The following DNAH7 variants were observed in gnomAD, a reference collection of about 807,000 sequenced individuals.
The protein encoded by DNAH7 is axonemal beta dynein heavy chain 7.
DNAH7 carries 397 observed loss-of-function variants against 444.6 expected under a neutral mutation model. That is an observed-to-expected ratio of 0.89 (90% CI 0.82 to 0.97). DNAH7 has a LOEUF of 0.97. Among genes scored for constraint, DNAH7 ranks in the 50% least tolerant of loss-of-function variants. The pLI, the probability that DNAH7 is intolerant of heterozygous loss-of-function variation, is 0.00. For missense variants in DNAH7, 4,902 were observed against 4,800.8 expected, an observed-to-expected ratio of 1.02 and a Z score of -0.62; for synonymous variants, 1,636 against 1,624.4, an observed-to-expected ratio of 1.01 and a Z score of -0.17.
chr2:195,799,190 G>T, intron 55 of DNAH7, 106 bp downstream of exon 55: 1 of 1,019,862 alleles, frequency 9.8e-7, no homozygotes, highest in South Asian at 3.4e-5. Flanking sequence ...AACTTTCAAA[G>T]GTTGAATGAC....
intron 22 of DNAH7, among the ~76,000 whole-genome samples, chr2:195,925,781 A>G (rs1688291921): frequency 6.6e-6 from 1 of 152,188 alleles, no homozygotes; most frequent in African/African-American, 2.4e-5. Context: ...TATATTTGCT[A>G]GTTTCCAGTT....
intron 49 of DNAH7, among the ~76,000 whole-genome samples, chr2:195,822,475 A>C (rs1322474604): frequency 6.6e-6 from 1 of 152,228 alleles, no homozygotes; most frequent in Non-Finnish European, 1.5e-5. Flanking sequence ...GCACGACACC[A>C]TCCCTTGGGT....
Position 195,858,634 on chromosome 2 carries a change from T to TTG in DNAH7, c.7906_7907insCA (p.Glu2636AlafsTer9). On this transcript the variant is annotated frameshift_variant, in exon 43 of 65. Transcript: ENST00000312428. LOFTEE classifies it high-confidence loss of function. ...CACTATTTTTTCAGTTTTGGCAACT[T>TTG]CTACAGACTCTTTCTCAATCATTAT... 6.2e-7 allele frequency: 1 copy of TTG among 1,614,076 alleles called. No individual in the cohort carries two copies. The highest frequency in any genetic ancestry group is 8.5e-7 in the Non-Finnish European group (1 of 1,179,952).
In DNAH7 at chr2:196,029,557, C is replaced by T. The variant is rs552196241; in HGVS notation, c.399-1510G>A. Among the ~76,000 whole-genome samples the T allele has an allele frequency of 3.3e-5, 5 of 152,092 alleles. No individual in the cohort carries two copies. In the East Asian group the frequency reaches 9.7e-4, roughly 29 times the overall value. ...ATGGCAGCTTTTTATTGATTACCTA[C>T]TCAGGCCCTCAATAGTTTCACATAT... On this transcript the variant is annotated intron_variant, in intron 5 of 64. Transcript: ENST00000312428.
intron 8 of DNAH7, among the ~76,000 whole-genome samples, chr2:196,019,585 T>C (rs1377542027): frequency 6.6e-6 from 1 of 152,178 alleles, no homozygotes; most frequent in East Asian, 1.9e-4. Flanking sequence ...TAATTTACAA[T>C]GAACAAATGA....
intron 19 of DNAH7, among the ~76,000 whole-genome samples, chr2:195,939,522 A>G (rs956377767): frequency 6.6e-6 from 1 of 152,132 alleles, no homozygotes; most frequent in Non-Finnish European, 1.5e-5. Flanking sequence ...TGTCCTCAGA[A>G]CATAGCAATA....
chr2:195,838,548 A>G (rs1384645464), intron 47 of DNAH7, among the ~76,000 whole-genome samples: 4 of 152,002 alleles, frequency 2.6e-5, no homozygotes, highest in Non-Finnish European at 5.9e-5. Context: ...GTCCCATAGT[A>G]TGGACTCAGT....
intron 17 of DNAH7, among the ~76,000 whole-genome samples, chr2:195,968,322 G>A (rs974304546): frequency 6.6e-6 from 1 of 152,092 alleles, no homozygotes; most frequent in Non-Finnish European, 1.5e-5. Context: ...TTAGTCAGCA[G>A]GTGATGAATC....
At chr2:195,945,652 T>C (rs1689749337) in intron 19 of DNAH7, among the ~76,000 whole-genome samples, 1 of 152,168 alleles carries the variant, frequency 6.6e-6, no homozygotes, top group Middle Eastern at 3.4e-3. Flanking sequence ...GGTGAAATGC[T>C]TGTTGCCAAA....
chr2:196,061,746 A>G (rs1322697728), intron 1 of DNAH7, among the ~76,000 whole-genome samples: 1 of 152,200 alleles, frequency 6.6e-6, no homozygotes, highest in African/African-American at 2.4e-5. Context: ...GGGATCAAGA[A>G]AGAACGGGAA....
At position 196,008,377 on chromosome 2, in the gene DNAH7, G is replaced by T. The variant is rs1694514587; in HGVS notation, c.989+4410C>A. ...AGTCACTTTGGAAAACAGTGCGAGT[G>T]TTCCTCAAAAAGTCAGAATTACCAT... On this transcript the variant is annotated intron_variant, in intron 10 of 64. Coordinates refer to ENST00000312428, the MANE Select transcript of DNAH7 (RefSeq NM_018897.3). Among the ~76,000 whole-genome samples the T allele has an allele frequency of 2.6e-5, 4 of 152,236 alleles. No homozygotes were observed. In the South Asian group the frequency reaches 8.3e-4, roughly 32 times the overall value.
At chr2:195,808,506 A>T (rs554671164) in intron 53 of DNAH7, among the ~76,000 whole-genome samples, 176 bp downstream of exon 53, 1 of 152,348 alleles carries the variant, frequency 6.6e-6, no homozygotes, top group Non-Finnish European at 1.5e-5. Context: ...AGGAGTTTGA[A>T]TGGAAGTTCA....
At chr2:195,955,037 C>T (rs984400686) in intron 19 of DNAH7, among the ~76,000 whole-genome samples, 2 of 152,200 alleles carry the variant, frequency 1.3e-5, no homozygotes, top group Non-Finnish European at 2.9e-5. Context: ...AATTATACCC[C>T]ATTTGTCAAT....
chr2:195,858,684 A>G lies in DNAH7; in HGVS notation c.7857T>C (p.Ala2619=). ...LEALHPQLKV[A]SKEVDEMMIM... ...TCATCATTTCATCAACCTCTTTGCT[A>G]GCAACTTTTAATTGAGGATGTAGTG... The change falls in exon 43 of 65, where the codon GCT becomes GCC. Residue 2619 remains alanine (A), a synonymous_variant. Transcript: ENST00000312428. 6.2e-7 allele frequency: 1 copy of G among 1,614,062 alleles called. No individual in the cohort carries two copies. The highest frequency in any genetic ancestry group is 1.1e-5 in the South Asian group (1 of 91,080).
intron 1 of DNAH7, among the ~76,000 whole-genome samples, chr2:196,062,753 T>G (rs1361938324): frequency 6.6e-6 from 1 of 152,222 alleles, no homozygotes; most frequent in Non-Finnish European, 1.5e-5. Context: ...TCCTTCTTCC[T>G]TGAATTAGCA....
At chr2:195,856,332 A>G (rs1207090546) in intron 44 of DNAH7, among the ~76,000 whole-genome samples, 1 of 152,216 alleles carries the variant, frequency 6.6e-6, no homozygotes, top group Non-Finnish European at 1.5e-5. Flanking sequence ...TGAGAAAGTG[A>G]GGTATCTTTT....
chr2:195,799,322 C>G lies in DNAH7; in HGVS notation c.10327G>C (p.Ala3443Pro), dbSNP rs1353697343. 1 of 1,589,522 alleles carries G rather than the reference C, an allele frequency of 6.3e-7. No homozygotes were observed. The highest frequency in any genetic ancestry group is 1.4e-5 in the African/African-American group (1 of 73,834). Residue 3443 changes from alanine to proline, a missense_variant, in exon 55 of 65, where the codon GCC (alanine) becomes CCC (proline). By Grantham distance (27) the Ala-to-Pro change is conservative (BLOSUM62 -1). Transcript: ENST00000312428. ...VLSPGADPMA[A>P]LLKFADDQGY... ...TGGTCATCAGCAAATTTTAGAAGGG[C>G]AGCCATGGGATCTGCTCCAGGAGAG... is the stretch of plus-strand genomic sequence containing the variant.
At chr2:195,749,821 G>A (rs1260883992) in intron 63 of DNAH7, among the ~76,000 whole-genome samples, 1 of 147,758 alleles carries the variant, frequency 6.8e-6, no homozygotes, top group Non-Finnish European at 1.5e-5. Flanking sequence ...ATCACACTCT[G>A]GGGACTGTTG....
chr2:195,867,425 T>A (rs1334502399), intron 40 of DNAH7, among the ~76,000 whole-genome samples: 1 of 152,232 alleles, frequency 6.6e-6, no homozygotes, highest in African/African-American at 2.4e-5. Context: ...AAGTCTTGAT[T>A]GCAGACTTTT....
Sources: gnomAD v4.1 joint callset for allele counts (sites outside exome capture counted in the v4.1 genomes callset) on GRCh38, gnomAD v4.1.1 for gene constraint, MANE v1.5 for transcripts, NCBI Gene and HGNC (gene_info 2026-07-23, HGNC 2026-07-21) for gene names.